EIF2D: variants seen among roughly 807,000 people sequenced by gnomAD.
EIF2D encodes the protein hepatocellular carcinoma-associated antigen 56.
A neutral mutation model predicts 77.4 loss-of-function variants in EIF2D; 56 were observed. That is an observed-to-expected ratio of 0.72 (90% CI 0.58 to 0.90). The LOEUF (loss-of-function observed/expected upper bound fraction) is 0.90. Among genes scored for constraint, EIF2D ranks in the 40% least tolerant of loss-of-function variants. The pLI is 0.00. For missense variants in EIF2D, 574 were observed against 706.5 expected (o/e 0.81, Z 2.13); for synonymous variants, 230 against 271.0 (o/e 0.85, Z 1.49).
At chr1:206,585,454 T>C in intron 2 of EIF2D, 1 of 606,722 alleles carries the variant, frequency 1.6e-6, no homozygotes, top group East Asian at 2.8e-5. Context: ...GGCCTGGGGG[T>C]CAGTGTTTCA....
At position 206,579,832 on chromosome 1, in the gene EIF2D, T is replaced by A. The variant is rs17012165; in HGVS notation, c.*254+860A>T. 0.015 allele frequency among the ~76,000 whole-genome samples: 2,310 copies of A among 152,278 alleles called. 65 individuals carry two copies. The highest frequency in any genetic ancestry group is 0.053 in the African/African-American group (2,196 of 41,532). ...CGCCATCTCTTGGGTGGAAAAAGGA[T>A]CCGTGAGCCCTCGTGGCTGTGGCTG... On this transcript the variant is annotated intron_variant and NMD_transcript_variant, in intron 4 of 5. Transcript: ENST00000472709. This position sits in a 1 kb window ranked among gnomAD's most constrained non-coding sequence, Gnocchi z 4.2.
chr1:206,611,272 C>T lies in EIF2D; in HGVS notation c.159G>A (p.Leu53=). 6.2e-7 allele frequency: 1 copy of T among 1,614,202 alleles called. No homozygotes were observed. Among genetic ancestry groups the T allele is most frequent in the Admixed American group, 1.7e-5 (1 of 60,024 alleles). The part of the protein sequence containing the change: ...PGKEELNIVK[L]YAHKGDAVTV... ...TCACTGCATCCCCTTTGTGAGCATACAACTTCACAATGTTGAGCTCCTCCT... is the reference window on the plus strand; with the variant it reads ...TCACTGCATCCCCTTTGTGAGCATATAACTTCACAATGTTGAGCTCCTCCT... Residue 53 remains leucine (L), a synonymous_variant, in exon 2 of 15, where the codon TTG becomes TTA. Transcript: ENST00000271764.
intron 12 of EIF2D, 59 bp from the exon 13 acceptor site, chr1:206,595,897 C>G (rs527736687): frequency 7.5e-6 from 12 of 1,594,084 alleles, no homozygotes; most frequent in Non-Finnish European, 9.4e-6. Flanking sequence ...TTTCCTCATA[C>G]CCCACTACCA....
rs781847594 is a variant in EIF2D at position 206,593,488 on chromosome 1, CGAGA to C, written c.1684+127_1684+130del. ...AATGGAGAGAGAGAGAGAGAGAGAG[CGAGA>C]GAGAGAGAGAGAGAGAGTGTGTGTG... On this transcript the variant is annotated intron_variant, in intron 14 of 14. Transcript: ENST00000271764. 409 of 306,572 alleles carry C rather than the reference CGAGA, an allele frequency of 1.3e-3. 2 individuals carry two copies. Among genetic ancestry groups the C allele is most frequent in the African/African-American group, 2.5e-3 (69 of 27,562 alleles). 19.0% of individuals were successfully genotyped at this position (306,572 alleles called of 1,614,324 possible).
Position 206,609,399 on chromosome 1 carries a change from A to G in EIF2D, c.308T>C (p.Leu103Pro). 1 of 1,614,254 alleles carries G rather than the reference A, an allele frequency of 6.2e-7. No individual in the cohort carries two copies. Among genetic ancestry groups the G allele is most frequent in the Non-Finnish European group, 8.5e-7 (1 of 1,180,036 alleles). The change falls in exon 3 of 15, where the codon CTC becomes CCC. Residue 103 changes from leucine (L) to proline (P), a missense_variant. Transcript: ENST00000271764. ...LPTFTTWPLV[L>P]EKLVGGADLM... The stretch of plus-strand genomic sequence containing the variant: ...ACCTGCTCCCCCTACCAGTTTCTCG[A>G]GCACCAGAGGCCATGTTGTAAAGGT...
chr1:206,586,771 T>G, downstream of EIF2D: 1 of 1,453,124 alleles, frequency 6.9e-7, no homozygotes. Flanking sequence ...TCGTGTCAAC[T>G]TCTAACCTGT....
chr1:206,608,719 C>T (rs1163333390), intron 3 of EIF2D, among the ~76,000 whole-genome samples: 3 of 152,180 alleles, frequency 2.0e-5, no homozygotes. Flanking sequence ...ACCTTGACTT[C>T]CACTCCAGAC....
intron 4 of EIF2D, among the ~76,000 whole-genome samples, chr1:206,573,871 T>A (rs750644264): frequency 2.6e-5 from 4 of 152,178 alleles, no homozygotes; most frequent in Non-Finnish European, 4.4e-5. Flanking sequence ...AATCGGAGTC[T>A]TAGTGAGGTG....
rs539161011 is a variant in EIF2D, at chr1:206,598,908, T to C, written c.1292+95A>G. Reference sequence around the variant, plus strand: ...AATTACCTCTAAGATGCTATGGTTTTCTATTCTCCCTCCCAGACATCCTCC... The same window carrying C: ...AATTACCTCTAAGATGCTATGGTTTCCTATTCTCCCTCCCAGACATCCTCC... On this transcript the variant is annotated intron_variant, in intron 11 of 14. Transcript: ENST00000271764. 47 of 1,262,462 alleles carry C rather than the reference T, an allele frequency of 3.7e-5. No homozygotes were observed. The African/African-American group carries it at 6.3e-4, about 17-fold the overall frequency. 78.2% of individuals were successfully genotyped at this position (1,262,462 alleles called of 1,614,324 possible). A position where few individuals can be genotyped will look rare whatever the true frequency, so the allele number is the denominator to read the frequency against.
intron 11 of EIF2D, 34 bp downstream of exon 11, chr1:206,598,969 A>G (rs572575115): frequency 1.9e-6 from 3 of 1,605,070 alleles, no homozygotes; most frequent in African/African-American, 2.7e-5. Flanking sequence ...ACAAAGACCC[A>G]ATAAGACAGA....
chr1:206,586,641 T>C, intron 2 of EIF2D: 1 of 589,928 alleles, frequency 1.7e-6, no homozygotes. Context: ...ATTTGGAATT[T>C]TGTTGCTGCT....
In EIF2D at chr1:206,579,667, A is replaced by T. The variant is rs1668793260; in HGVS notation, c.*254+1025T>A. 6.6e-6 allele frequency among the ~76,000 whole-genome samples: 1 copy of T among 151,648 alleles called. No individual in the cohort carries two copies. The highest frequency in any genetic ancestry group is 2.1e-4 in the South Asian group (1 of 4,834). On this transcript the variant is annotated intron_variant and NMD_transcript_variant, in intron 4 of 5. Transcript: ENST00000472709. The surrounding 1 kb of genome is among the most constrained non-coding windows in gnomAD (Gnocchi z 4.2). ...AATTAAAATCAACTAGGAGATTTTTAAAATTCCCATGCCCAGACTGCACCC... is the reference window on the plus strand; with the variant it reads ...AATTAAAATCAACTAGGAGATTTTTTAAATTCCCATGCCCAGACTGCACCC...
At position 206,599,174 on chromosome 1, in the gene EIF2D, T is replaced by C; in HGVS notation, c.1203-82A>G. 2 of 1,355,982 alleles carry C rather than the reference T, an allele frequency of 1.5e-6. No homozygotes were observed. Among genetic ancestry groups the C allele is most frequent in the Non-Finnish European group, 2.1e-6 (2 of 961,780 alleles). The allele number at this position is 1,355,982 out of a possible 1,614,324, so 84.0% of individuals were successfully genotyped here. A position where few individuals can be genotyped will look rare whatever the true frequency, so the allele number is the denominator to read the frequency against. On this transcript the variant is annotated intron_variant, in intron 10 of 14. Transcript: ENST00000271764. This position sits in a 1 kb window ranked among gnomAD's most constrained non-coding sequence, Gnocchi z 4.1. Reference sequence around the variant, plus strand: ...GCAGATGCCCAGACTCACTCCCTGCTGAGCAGGGAACTTTCCTTAGCTTTC... The same window carrying C: ...GCAGATGCCCAGACTCACTCCCTGCCGAGCAGGGAACTTTCCTTAGCTTTC...
chr1:206,573,844 T>TA (rs1325232636), intron 4 of EIF2D, among the ~76,000 whole-genome samples: 1 of 152,176 alleles, frequency 6.6e-6, no homozygotes, highest in African/African-American at 2.4e-5. Flanking sequence ...CCCCATCTCT[T>TA]AAAAAAACAA....
At chr1:206,602,268 T>G in intron 7 of EIF2D, 68 bp downstream of exon 7, 1 of 1,257,188 alleles carries the variant, frequency 8.0e-7, no homozygotes, top group Non-Finnish European at 1.2e-6. Context: ...CCCCATCCTG[T>G]CCTACTACCA....
chr1:206,581,088 T>C (rs1668855327), exon 3 of EIF2D: 2 of 152,332 alleles, frequency 1.3e-5, no homozygotes, highest in South Asian at 4.1e-4. Context: ...ATGGATTTGA[T>C]TCCAGTTCCT....
chr1:206,573,455 G>A (rs937714849), intron 4 of EIF2D, among the ~76,000 whole-genome samples: 3 of 152,176 alleles, frequency 2.0e-5, no homozygotes, highest in Admixed American at 6.5e-5. Flanking sequence ...GATCTGGGAC[G>A]CCATAGAGGG....
At chr1:206,604,750 A>AG in intron 5 of EIF2D, 1 of 152,262 alleles carries the variant, frequency 6.6e-6, no homozygotes, top group East Asian at 1.9e-4. Flanking sequence ...AAAAAAAAAA[A>AG]AATTAATAAT....
Position 206,600,170 on chromosome 1 carries a change from G to GT in EIF2D, c.948+92dup, listed in dbSNP as rs146707998. 8.4e-5 allele frequency: 108 copies of GT among 1,290,134 alleles called. 1 individual carries two copies. The East Asian group carries it at 1.9e-3, about 23-fold the overall frequency. 79.9% of individuals were successfully genotyped at this position (1,290,134 alleles called of 1,614,324 possible). A position where few individuals can be genotyped will look rare whatever the true frequency, so the allele number is the denominator to read the frequency against. On this transcript the variant is annotated intron_variant, in intron 8 of 14. Coordinates refer to ENST00000271764, the MANE Select transcript of EIF2D (RefSeq NM_006893.3). ...AAAGCTTAATTCTAGACTGAGCCTG[G>GT]TAGACAAGGCTTCCCCAGCATCCAT...
Sources: gnomAD v4.1 joint callset for allele counts (sites outside exome capture counted in the v4.1 genomes callset) on GRCh38, gnomAD v4.1.1 for gene constraint, Gnocchi (gnomAD v3.1) non-coding constraint, MANE v1.5 for transcripts, NCBI Gene and HGNC (gene_info 2026-07-23, HGNC 2026-07-21) for gene names.